The following PTK2B variants were observed in gnomAD, a reference collection of about 807,000 sequenced individuals.
PTK2B encodes protein tyrosine kinase 2 beta.
PTK2B carries 71 observed loss-of-function variants against 142.9 expected under a neutral mutation model. The observed-to-expected ratio is 0.50, with a 90% confidence interval of 0.41 to 0.61. The LOEUF is 0.61. Among genes scored for constraint, PTK2B ranks in the 20% least tolerant of loss-of-function variants. PTK2B has a pLI of 0.00. For missense variants in PTK2B, 1,105 were observed against 1,320.4 expected, an observed-to-expected ratio of 0.84 and a Z score of 2.53; for synonymous variants, 519 against 503.4, an observed-to-expected ratio of 1.03 and a Z score of -0.42.
rs140264380 is a variant in PTK2B at position 27,341,694 on chromosome 8, G to T, written c.-38+16013G>T. On this transcript the variant is annotated intron_variant, in intron 1 of 30. Coordinates refer to ENST00000346049, the MANE Select transcript of PTK2B (RefSeq NM_173176.3). ...GGGGTTTTGTGTGTTTTTTGTTTCT[G>T]ACAGGGTCTTGCTCTGTTGCCCAGC... 2.6e-4 allele frequency among the ~76,000 whole-genome samples: 39 copies of T among 152,190 alleles called. 1 individual carries two copies. Among genetic ancestry groups the T allele is most frequent in the African/African-American group, 7.2e-4 (30 of 41,510 alleles).
intron 3 of PTK2B, among the ~76,000 whole-genome samples, chr8:27,320,133 G>A (rs948000147): frequency 1.3e-5 from 2 of 152,046 alleles, no homozygotes; most frequent in Non-Finnish European, 2.9e-5. Context: ...TGGTACCTGC[G>A]ATTCAAACTG....
intron 1 of PTK2B, among the ~76,000 whole-genome samples, chr8:27,388,224 C>G (rs543173269): frequency 6.6e-6 from 1 of 152,124 alleles, no homozygotes; most frequent in South Asian, 2.1e-4. Flanking sequence ...CAAATTTCTC[C>G]GCTCAGCAAC....
intron 14 of PTK2B, among the ~76,000 whole-genome samples, 153 bp downstream of exon 14, chr8:27,435,946 T>G (rs1810749432): frequency 6.6e-6 from 1 of 152,178 alleles, no homozygotes; most frequent in African/African-American, 2.4e-5. Context: ...TGCCTTGGAT[T>G]TGAAAGCTGA....
intron 1 of PTK2B, among the ~76,000 whole-genome samples, chr8:27,328,548 A>T (rs1397776757): frequency 6.6e-6 from 1 of 152,164 alleles, no homozygotes; most frequent in African/African-American, 2.4e-5. Flanking sequence ...TGTGATAAAC[A>T]TTTTGTCCCC....
At chr8:27,332,261 T>C (rs1338274605) in intron 1 of PTK2B, among the ~76,000 whole-genome samples, 1 of 152,232 alleles carries the variant, frequency 6.6e-6, no homozygotes, top group Non-Finnish European at 1.5e-5. Context: ...ATCTCTTTCC[T>C]CTTCAAGCCT....
Position 27,440,243 on chromosome 8 carries a change from G to C in PTK2B, c.1841G>C (p.Cys614Ser), listed in dbSNP as rs1486119070. The C allele has an allele frequency of 6.2e-7, 1 of 1,614,190 alleles. No homozygotes were observed. The highest frequency in any genetic ancestry group is 1.7e-5 in the Admixed American group (1 of 60,026). The change falls in exon 21 of 31, where the codon TGC becomes TCC. Residue 614 changes from cysteine to serine, a missense_variant. By Grantham distance (112) the Cys-to-Ser change is moderately radical. Transcript: ENST00000346049. ...ACGCTCCCTTACACCCCAGCCGTGT[G>C]CATGTGGGAGATCCTGAGCTTTGGG... ...TASDVWMFAV[C>S]MWEILSFGKQ...
intron 24 of PTK2B, among the ~76,000 whole-genome samples, chr8:27,447,380 A>G (rs1811534280): frequency 6.6e-6 from 1 of 152,262 alleles, no homozygotes; most frequent in Non-Finnish European, 1.5e-5. Context: ...GAGAAGGTAT[A>G]ATAGGCTCCT....
In PTK2B at chr8:27,431,381, C is replaced by T. The variant is rs1421384328; in HGVS notation, c.811-17C>T. 26 of 1,614,104 alleles carry T rather than the reference C, an allele frequency of 1.6e-5. No individual in the cohort carries two copies. Among genetic ancestry groups the T allele is most frequent in the East Asian group, 2.2e-5 (1 of 44,898 alleles). ...AGGACAGCTCTGGAACAACAGTCCA[C>T]TCTCCTTTTATTCCAGCAAGGATGG... is the stretch of plus-strand genomic sequence containing the variant. On this transcript the variant is annotated splice_polypyrimidine_tract_variant and intron_variant, in intron 8 of 30. Coordinates refer to ENST00000346049, the MANE Select transcript of PTK2B (RefSeq NM_173176.3).
chr8:27,335,438 A>G (rs1268277909), intron 1 of PTK2B, among the ~76,000 whole-genome samples: 1 of 152,056 alleles, frequency 6.6e-6, no homozygotes, highest in East Asian at 1.9e-4. Flanking sequence ...ACTAAAAATA[A>G]AAAATTAGCC....
At chr8:27,397,378 C>T (rs1422719695) in intron 1 of PTK2B, 170 bp from the exon 2 acceptor site, 4 of 595,638 alleles carry the variant, frequency 6.7e-6, no homozygotes, top group Non-Finnish European at 1.2e-5. Flanking sequence ...CTTTCTGCTG[C>T]ATCTTTCCCA....
At chr8:27,358,100 C>G (rs925409035) in intron 1 of PTK2B, among the ~76,000 whole-genome samples, 2 of 152,156 alleles carry the variant, frequency 1.3e-5, no homozygotes, top group African/African-American at 4.8e-5. Context: ...GTAGACGTTC[C>G]CTTTTTCTCA....
At chr8:27,383,922 C>T (rs1299758963) in intron 1 of PTK2B, among the ~76,000 whole-genome samples, 3 of 147,660 alleles carry the variant, frequency 2.0e-5, no homozygotes, top group Non-Finnish European at 4.5e-5. Context: ...GATCTCGGCT[C>T]ACCACAACCT....
chr8:27,359,396 G>A (rs186266628), intron 1 of PTK2B, among the ~76,000 whole-genome samples: 241 of 152,292 alleles, frequency 1.6e-3, no homozygotes, highest in African/African-American at 5.5e-3. Flanking sequence ...GATTACAGGC[G>A]TGAGCCACTG....
rs527469769 is a variant in PTK2B at position 27,431,137 on chromosome 8, C to G, written c.810+121C>G. On this transcript the variant is annotated intron_variant, in intron 8 of 30. Transcript: ENST00000346049. The stretch of plus-strand genomic sequence containing the variant: ...CAGATTCTCACTCAGGCAGCAGGAC[C>G]TCGCTGACCTGCCGTCGGTGGAAGT... The G allele has an allele frequency of 1.1e-3, 1,573 of 1,497,248 alleles. 1 individual carries two copies. Among genetic ancestry groups the G allele is most frequent in the Non-Finnish European group, 1.3e-3 (1,428 of 1,109,558 alleles). 92.7% of individuals were successfully genotyped at this position (1,497,248 alleles called of 1,614,324 possible).
chr8:27,355,460 A>G (rs764462998), intron 1 of PTK2B, among the ~76,000 whole-genome samples: 21 of 152,206 alleles, frequency 1.4e-4, no homozygotes, highest in Non-Finnish European at 2.9e-4. Context: ...ATTCTCCCCT[A>G]GCACCCCAGA....
At chr8:27,398,507 C>G (rs1586236248) in intron 2 of PTK2B, among the ~76,000 whole-genome samples, 1 of 152,200 alleles carries the variant, frequency 6.6e-6, no homozygotes, top group Non-Finnish European at 1.5e-5. Context: ...CTGTGTGGAG[C>G]CTGGGCCAAT....
At chr8:27,353,008 T>C (rs1805188696) in intron 1 of PTK2B, among the ~76,000 whole-genome samples, 1 of 152,156 alleles carries the variant, frequency 6.6e-6, no homozygotes, top group Admixed American at 6.5e-5. Context: ...AAGGATTGAA[T>C]AAAGAGTATG....
chr8:27,364,836 T>C (rs1304532198), intron 1 of PTK2B, among the ~76,000 whole-genome samples: 1 of 152,196 alleles, frequency 6.6e-6, no homozygotes, highest in African/African-American at 2.4e-5. Flanking sequence ...CTACTCCTTT[T>C]TCCTCATTAT....
intron 3 of PTK2B, among the ~76,000 whole-genome samples, chr8:27,320,241 CA>C (rs1803181786): frequency 6.6e-6 from 1 of 152,176 alleles, no homozygotes; most frequent in East Asian, 1.9e-4. Flanking sequence ...ACTCACCCTT[CA>C]AATTGTCTGT....
Sources: allele counts gnomAD v4.1 joint callset (sites outside exome capture counted in the v4.1 genomes callset), GRCh38; gene constraint gnomAD v4.1.1; transcripts MANE v1.5; gene names NCBI Gene and HGNC (gene_info 2026-07-23, HGNC 2026-07-21).